The following NFYC variants were observed in gnomAD, a reference collection of about 807,000 sequenced individuals.
The protein encoded by NFYC is CAAT box DNA-binding protein subunit C.
In NFYC, 25 loss-of-function variants were observed where a neutral mutation model predicts 53.1. The ratio of observed to expected loss-of-function variants is 0.47; its 90% CI spans 0.34 to 0.66. The LOEUF is 0.66. Among genes scored for constraint, NFYC ranks in the 30% least tolerant of loss-of-function variants. The probability of loss-of-function intolerance (pLI) is 0.01; values close to 1 mark genes in which losing one functional copy is unlikely to be tolerated. For synonymous variants in NFYC, 145 were observed against 152.6 expected, an observed-to-expected ratio of 0.95 and a Z score of 0.37; for missense variants, 260 against 422.7, an observed-to-expected ratio of 0.62 and a Z score of 3.38.
chr1:40,715,744 CT>C (rs1190526625), intron 1 of NFYC, among the ~76,000 whole-genome samples: 1 of 152,038 alleles, frequency 6.6e-6, no homozygotes, highest in African/African-American at 2.4e-5. Context: ...AGTCTAGCAC[CT>C]GCAGTGAAAA....
At chr1:40,691,918 C>T (rs1557713426) in intron 1 of NFYC, 51 bp downstream of exon 1, 1 of 338,474 alleles carries the variant, frequency 3.0e-6, no homozygotes, top group South Asian at 2.1e-5. Context: ...GAAGCGGCGG[C>T]GGGGGGAGGG....
chr1:40,764,979 G>C (rs954654), intron 7 of NFYC, among the ~76,000 whole-genome samples: 2 of 151,988 alleles, frequency 1.3e-5, no homozygotes, highest in African/African-American at 4.8e-5. Flanking sequence ...TAACATCCCT[G>C]TAGCTGTCAG....
At chr1:40,757,765 A>G (rs542557857) in intron 5 of NFYC, among the ~76,000 whole-genome samples, 3 of 152,342 alleles carry the variant, frequency 2.0e-5, no homozygotes, top group African/African-American at 4.8e-5. Context: ...AACACTTGCA[A>G]TTAGCACTGT....
intron 1 of NFYC, among the ~76,000 whole-genome samples, chr1:40,718,251 A>G (rs913207970): frequency 6.6e-6 from 1 of 152,236 alleles, no homozygotes; most frequent in African/African-American, 2.4e-5. Context: ...TTTGGTATCT[A>G]CCTAATGTAA....
chr1:40,745,168 T>C (rs1428193739), intron 2 of NFYC, among the ~76,000 whole-genome samples: 1 of 152,068 alleles, frequency 6.6e-6, no homozygotes, highest in Admixed American at 6.5e-5. Flanking sequence ...AGAAGAGAAA[T>C]TGAAGGAGTA....
At chr1:40,738,690 A>T (rs1645181915) in intron 1 of NFYC, 146 bp from the exon 2 acceptor site, 1 of 595,742 alleles carries the variant, frequency 1.7e-6, no homozygotes, top group South Asian at 2.4e-5. Flanking sequence ...TCTGTGTTAA[A>T]ATCTTTTTAG....
chr1:40,749,668 C>A lies in NFYC; in HGVS notation c.273C>A (p.Asn91Lys). ...TLRAWIHTED[N>K]KRRTLQRNDI... ...GAGCCTGGATTCACACAGAAGATAA[C>A]AAGCGCCGGACTCTACAGGTATTAT... Residue 91 changes from asparagine to lysine, a missense_variant, in exon 4 of 10, where the codon AAC becomes AAA. Coordinates refer to ENST00000447388, the MANE Select transcript of NFYC (RefSeq NM_014223.5). 1 of 1,614,130 alleles carries A rather than the reference C, an allele frequency of 6.2e-7. No individual in the cohort carries two copies. Among genetic ancestry groups the A allele is most frequent in the South Asian group, 1.1e-5 (1 of 91,092 alleles).
At chr1:40,729,971 C>T (rs537699595) in intron 1 of NFYC, among the ~76,000 whole-genome samples, 1 of 151,980 alleles carries the variant, frequency 6.6e-6, no homozygotes, top group South Asian at 2.1e-4. Context: ...CCACCGCGCC[C>T]AGCCCCATAT....
At chr1:40,729,399 A>G (rs1317660012) in intron 1 of NFYC, among the ~76,000 whole-genome samples, 1 of 152,158 alleles carries the variant, frequency 6.6e-6, no homozygotes. Context: ...TCATGAACCA[A>G]CTTTTCTTCT....
chr1:40,742,895 A>G (rs999541696), intron 2 of NFYC, among the ~76,000 whole-genome samples: 4 of 152,144 alleles, frequency 2.6e-5, no homozygotes, highest in Admixed American at 6.5e-5. Context: ...AACATGACCA[A>G]ACATTTTAGC....
chr1:40,749,670 A>G lies in NFYC; in HGVS notation c.275A>G (p.Lys92Arg), dbSNP rs1161304819. The change falls in exon 4 of 10, where the codon AAG (lysine) becomes AGG (arginine). Residue 92 changes from lysine to arginine, a missense_variant. Transcript: ENST00000447388. ...GCCTGGATTCACACAGAAGATAACA[A>G]GCGCCGGACTCTACAGGTATTATTG... ...LRAWIHTEDN[K>R]RRTLQRNDIA... The G allele has an allele frequency of 6.2e-7, 1 of 1,614,100 alleles. No individual in the cohort carries two copies.
chr1:40,769,314 C>T (rs1646971898), intron 8 of NFYC, 42 bp from the exon 9 acceptor site: 2 of 1,597,986 alleles, frequency 1.3e-6, no homozygotes, highest in Middle Eastern at 1.7e-4. Flanking sequence ...TGGATCAGAC[C>T]CTGCAGCTGA....
chr1:40,753,331 A>ATGACTTGTGCTG, intron 5 of NFYC, 85 bp downstream of exon 5: 2 of 872,772 alleles, frequency 2.3e-6, no homozygotes, highest in Non-Finnish European at 3.7e-6. Flanking sequence ...CTCTCAGCAC[A>ATGACTTGTGCTG]AGTCATTTGC....
In NFYC at chr1:40,695,090, T is replaced by C. The variant is rs1016735881; in HGVS notation, c.-9+3223T>C. Among the ~76,000 whole-genome samples, 6 of 151,976 alleles carry C rather than the reference T, an allele frequency of 3.9e-5. No homozygotes were observed. The East Asian group carries it at 1.2e-3, about 29-fold the overall frequency. ...ACATGATGAAACAAAATTACAAAAATTAGCCTGGCATGGTGGTGGGCGCCT... is the reference window on the plus strand; with the variant it reads ...ACATGATGAAACAAAATTACAAAAACTAGCCTGGCATGGTGGTGGGCGCCT... On this transcript the variant is annotated intron_variant, in intron 1 of 9. Transcript: ENST00000447388.
At chr1:40,758,353 G>T in intron 6 of NFYC, 59 bp downstream of exon 6, 1 of 1,514,812 alleles carries the variant, frequency 6.6e-7, no homozygotes, top group South Asian at 1.3e-5. Flanking sequence ...GTTTTTGGAT[G>T]GGCAGAGCTT....
intron 2 of NFYC, among the ~76,000 whole-genome samples, chr1:40,744,265 T>A (rs1645498359): frequency 6.6e-6 from 1 of 152,230 alleles, no homozygotes; most frequent in Admixed American, 6.5e-5. Flanking sequence ...GGAAAAATTG[T>A]CTTGCACAAA....
intron 1 of NFYC, among the ~76,000 whole-genome samples, chr1:40,719,434 G>A (rs1644255467): frequency 6.6e-6 from 1 of 152,172 alleles, no homozygotes; most frequent in Non-Finnish European, 1.5e-5. Context: ...CTCTTCTTCT[G>A]AATTATAGAG....
intron 6 of NFYC, among the ~76,000 whole-genome samples, chr1:40,762,623 G>A (rs1284717723): frequency 6.6e-6 from 1 of 152,170 alleles, no homozygotes; most frequent in Non-Finnish European, 1.5e-5. Context: ...TGCAGCATTT[G>A]GGGCACAGAG....
At chr1:40,708,796 C>G (rs1643840032) in intron 1 of NFYC, among the ~76,000 whole-genome samples, 1 of 152,120 alleles carries the variant, frequency 6.6e-6, no homozygotes, top group Admixed American at 6.6e-5. Flanking sequence ...TTAGCCCTAC[C>G]CAGTTTTGTT....
Sources: allele counts gnomAD v4.1 joint callset (sites outside exome capture counted in the v4.1 genomes callset), GRCh38; gene constraint gnomAD v4.1.1; transcripts MANE v1.5; gene names NCBI Gene and HGNC (gene_info 2026-07-23, HGNC 2026-07-21).